The following DIAPH2 variants were observed in gnomAD, a reference collection of about 807,000 sequenced individuals.
DIAPH2 encodes the protein protein diaphanous homolog 2.
In DIAPH2, 35 loss-of-function variants were observed where a neutral mutation model predicts 92.7. The ratio of observed to expected loss-of-function variants is 0.38; its 90% CI spans 0.29 to 0.50. DIAPH2 has a LOEUF of 0.50. Among genes scored for constraint, DIAPH2 ranks in the 20% least tolerant of loss-of-function variants. The pLI, the probability that DIAPH2 is intolerant of heterozygous loss-of-function variation, is 0.94. For missense variants in DIAPH2, 701 were observed against 819.5 expected (o/e 0.86, Z 1.77); for synonymous variants, 301 against 280.4 (o/e 1.07, Z -0.73).
intron 24 of DIAPH2, among the ~76,000 whole-genome samples, chrX:97,355,925 C>T (rs757587206): frequency 8.9e-6 from 1 of 111,897 alleles, no homozygotes; most frequent in Non-Finnish European, 1.9e-5. Flanking sequence ...ACAAAACAGA[C>T]AAAGCCCCTG....
chrX:97,345,405 A>G (rs1366288883), intron 23 of DIAPH2, among the ~76,000 whole-genome samples: 1 of 111,936 alleles, frequency 8.9e-6, no homozygotes, highest in Non-Finnish European at 1.9e-5. Flanking sequence ...GCTGCAAAGT[A>G]ACTTTCCAGA....
At chrX:96,929,368 A>G (rs746580158) in intron 9 of DIAPH2, among the ~76,000 whole-genome samples, 1 of 111,446 alleles carries the variant, frequency 9.0e-6, no homozygotes, top group East Asian at 2.8e-4. Flanking sequence ...TCAGTTGCCT[A>G]AGTGTTTTAT....
chrX:97,378,883 G>C (rs2069526819), intron 24 of DIAPH2, among the ~76,000 whole-genome samples: 1 of 111,631 alleles, frequency 9.0e-6, no homozygotes, highest in Admixed American at 9.5e-5. Context: ...CAACACCCCT[G>C]ATCAACGAAG....
At chrX:96,916,660 G>A in intron 8 of DIAPH2, 86 bp downstream of exon 8, 1 of 938,996 alleles carries the variant, frequency 1.1e-6, no homozygotes, top group Non-Finnish European at 1.4e-6. Flanking sequence ...TCTTTCTTTG[G>A]ATAACTTTCA....
intron 26 of DIAPH2, among the ~76,000 whole-genome samples, chrX:97,452,519 A>G (rs1048734990): frequency 9.0e-6 from 1 of 111,592 alleles, no homozygotes; most frequent in Admixed American, 9.5e-5. Flanking sequence ...CTGTGGGTAG[A>G]TTCTTATTCT....
intron 15 of DIAPH2, among the ~76,000 whole-genome samples, chrX:96,956,324 C>T (rs2065810287): frequency 9.3e-6 from 1 of 107,122 alleles, no homozygotes; most frequent in Admixed American, 1.0e-4. Context: ...CTGGACCTGG[C>T]ACAGGAAACT....
chrX:97,514,595 A>G (rs2070926611), intron 26 of DIAPH2, among the ~76,000 whole-genome samples: 1 of 111,392 alleles, frequency 9.0e-6, no homozygotes, highest in Non-Finnish European at 1.9e-5. Flanking sequence ...TCTGATTTTT[A>G]GAGTTTCCAG....
At chrX:97,091,576 G>A (rs1378781995) in intron 19 of DIAPH2, among the ~76,000 whole-genome samples, 1 of 111,889 alleles carries the variant, frequency 8.9e-6, no homozygotes, top group Non-Finnish European at 1.9e-5. Context: ...AAGACTTTTA[G>A]TGAGATTCTG....
At chrX:97,185,480 T>C (rs1487310367) in intron 22 of DIAPH2, among the ~76,000 whole-genome samples, 92 of 6,052 alleles carry the variant, frequency 0.015, 7 homozygotes, top group African/African-American at 0.026. Flanking sequence ...TACACATATA[T>C]ATATATATAT....
chrX:97,016,962 T>A (rs2147868378), intron 17 of DIAPH2, among the ~76,000 whole-genome samples: 1 of 111,725 alleles, frequency 9.0e-6, no homozygotes, highest in East Asian at 2.8e-4. Context: ...GACTATTTTT[T>A]AAATCCTTGG....
chrX:97,557,980 G>C (rs751784687), intron 26 of DIAPH2, among the ~76,000 whole-genome samples: 1 of 112,513 alleles, frequency 8.9e-6, no homozygotes, highest in East Asian at 2.8e-4. Flanking sequence ...CTATGGGGAA[G>C]GAGTTTGCTA....
rs776345570 is a variant in DIAPH2, at chrX:97,224,802, C to G, written c.2720-22913C>G. Among the ~76,000 whole-genome samples, 16 of 111,570 alleles carry G rather than the reference C, an allele frequency of 1.4e-4. No individual in the cohort carries two copies. The Admixed American group carries it at 1.5e-3, about 11-fold the overall frequency. On this transcript the variant is annotated intron_variant, in intron 22 of 26. Coordinates refer to ENST00000324765, the MANE Select transcript of DIAPH2 (RefSeq NM_006729.5). ...AAAGTGGGTCATAAGGGATATATCT[C>G]TTATTGGGCTGTCTGCCATTCTATC... is the stretch of plus-strand genomic sequence containing the variant.
chrX:96,706,477 G>C (rs2063886305), intron 1 of DIAPH2, among the ~76,000 whole-genome samples: 1 of 112,198 alleles, frequency 8.9e-6, no homozygotes, highest in African/African-American at 3.2e-5. Context: ...ACTAGGGATG[G>C]AGAAGAGGAG....
chrX:96,938,713 C>T (rs2065673984), intron 11 of DIAPH2, among the ~76,000 whole-genome samples: 1 of 111,981 alleles, frequency 8.9e-6, no homozygotes, highest in South Asian at 3.7e-4. Flanking sequence ...AACTCTATAT[C>T]TTGTCTCTAC....
intron 22 of DIAPH2, among the ~76,000 whole-genome samples, chrX:97,239,014 A>G (rs955353787): frequency 6.3e-5 from 7 of 111,900 alleles, no homozygotes; most frequent in Admixed American, 2.9e-4. Flanking sequence ...TCTTAGAGCA[A>G]AGATGTAAGA....
chrX:97,438,357 T>TTC, intron 26 of DIAPH2, among the ~76,000 whole-genome samples: 1 of 82,870 alleles, frequency 1.2e-5, no homozygotes, highest in Admixed American at 1.4e-4. Context: ...TTTTGTTTGT[T>TTC]TGTTTTTTTT....
intron 4 of DIAPH2, among the ~76,000 whole-genome samples, chrX:96,855,467 C>T (rs1319370194): frequency 9.1e-6 from 1 of 109,759 alleles, no homozygotes; most frequent in Non-Finnish European, 1.9e-5. Flanking sequence ...TATATTATTA[C>T]AATTTTATTG....
intron 23 of DIAPH2, among the ~76,000 whole-genome samples, chrX:97,257,156 T>C (rs1238187540): frequency 1.8e-5 from 2 of 111,656 alleles, no homozygotes; most frequent in Admixed American, 9.6e-5. Context: ...ATATATGACA[T>C]TACTGAAAAT....
At chrX:97,454,722 G>C (rs1223615690) in intron 26 of DIAPH2, among the ~76,000 whole-genome samples, 1 of 110,355 alleles carries the variant, frequency 9.1e-6, no homozygotes, top group East Asian at 2.8e-4. Context: ...GGGTGTGGTG[G>C]TGCACGCCTG....
Sources: allele counts gnomAD v4.1 joint callset (sites outside exome capture counted in the v4.1 genomes callset), GRCh38; gene constraint gnomAD v4.1.1; transcripts MANE v1.5; gene names NCBI Gene and HGNC (gene_info 2026-07-23, HGNC 2026-07-21).